LRP1B: variants seen among roughly 807,000 people sequenced by gnomAD.
LRP1B encodes low-density lipoprotein receptor-related protein 1B.
Under a neutral mutation model 556.6 loss-of-function variants are expected in LRP1B, and 217 were observed. The observed-to-expected ratio is 0.39, with a 90% CI of 0.35 to 0.44. The LOEUF (loss-of-function observed/expected upper bound fraction) is 0.44. Among genes scored for constraint, LRP1B ranks in the 20% least tolerant of loss-of-function variants. The pLI is 1.00. For missense variants in LRP1B, 5,053 were observed against 5,620.8 expected, an observed-to-expected ratio of 0.90 and a Z score of 3.23; for synonymous variants, 2,047 against 1,865.8, an observed-to-expected ratio of 1.10 and a Z score of -2.50.
At chr2:140,462,881 T>C (rs1361066143) in intron 60 of LRP1B, among the ~76,000 whole-genome samples, 2 of 152,316 alleles carry the variant, frequency 1.3e-5, no homozygotes, top group East Asian at 3.9e-4. Flanking sequence ...GAACAAAGTA[T>C]GCTCATTGAT....
intron 1 of LRP1B, among the ~76,000 whole-genome samples, chr2:142,005,439 G>A (rs1349395371): frequency 6.6e-6 from 1 of 152,064 alleles, no homozygotes; most frequent in African/African-American, 2.4e-5. Context: ...CCAGTTGATA[G>A]TTTCAACTTA....
At chr2:142,087,247 A>C (rs971121768) in intron 1 of LRP1B, among the ~76,000 whole-genome samples, 4 of 150,710 alleles carry the variant, frequency 2.7e-5, no homozygotes, top group Admixed American at 6.7e-5. Context: ...GAGAAAAAGA[A>C]ATGTCAGGCT....
intron 2 of LRP1B, among the ~76,000 whole-genome samples, chr2:141,723,183 T>C (rs1011032683): frequency 6.6e-6 from 1 of 151,916 alleles, no homozygotes; most frequent in Non-Finnish European, 1.5e-5. Flanking sequence ...GGAAAAAAGA[T>C]TTCATTATTG....
At chr2:141,005,535 C>T in intron 14 of LRP1B, 78 bp from the exon 15 acceptor site, 1 of 1,357,250 alleles carries the variant, frequency 7.4e-7, no homozygotes, top group Non-Finnish European at 1.0e-6. Flanking sequence ...GATGTAATTA[C>T]ATACACTTAT....
intron 7 of LRP1B, among the ~76,000 whole-genome samples, chr2:141,177,953 G>A (rs1025182681): frequency 1.3e-5 from 2 of 152,104 alleles, no homozygotes; most frequent in Non-Finnish European, 2.9e-5. Context: ...GAAAGAGAAA[G>A]CCAAGGGAGT....
intron 34 of LRP1B, 53 bp downstream of exon 34, chr2:140,770,828 T>G: frequency 6.8e-7 from 1 of 1,463,354 alleles, no homozygotes; most frequent in Middle Eastern, 1.8e-4. Context: ...GCATGGTATG[T>G]AATGATTAGT....
intron 35 of LRP1B, among the ~76,000 whole-genome samples, chr2:140,731,410 T>C (rs1687770854): frequency 6.6e-6 from 1 of 152,188 alleles, no homozygotes; most frequent in Non-Finnish European, 1.5e-5. Flanking sequence ...GTTATTAGCA[T>C]AGTATCATCT....
intron 7 of LRP1B, among the ~76,000 whole-genome samples, chr2:141,112,173 G>A (rs990730634): frequency 6.6e-6 from 1 of 152,054 alleles, no homozygotes. Context: ...AGACCTAGCT[G>A]AGCTAAGAAG....
chr2:141,439,458 A>T (rs561917150), intron 3 of LRP1B, among the ~76,000 whole-genome samples: 11 of 151,738 alleles, frequency 7.2e-5, no homozygotes, highest in South Asian at 2.1e-4. Context: ...ATAATTTTTT[A>T]AAAATCTTAT....
rs1234472596 is a variant in LRP1B, at chr2:142,077,781, A to G, written c.82+52867T>C. ...ATTTGTCTTCAATGATCTCTAGTCT[A>G]TTACATCTGCCCAGAAGGCCTCAGA... On this transcript the variant is annotated intron_variant, in intron 1 of 90. Coordinates refer to ENST00000389484, the MANE Select transcript of LRP1B (RefSeq NM_018557.3). Among the ~76,000 whole-genome samples the G allele has an allele frequency of 2.6e-5, 4 of 152,098 alleles. No homozygotes were observed. In the South Asian group the frequency reaches 6.2e-4, roughly 24 times the overall value.
intron 3 of LRP1B, among the ~76,000 whole-genome samples, chr2:141,275,861 G>A (rs1230463930): frequency 1.3e-5 from 2 of 152,070 alleles, no homozygotes; most frequent in Admixed American, 6.6e-5. Context: ...CCACTCATCT[G>A]TATGTTAAGC....
At chr2:141,364,411 A>AACACAC (rs139037221) in intron 3 of LRP1B, among the ~76,000 whole-genome samples, 2 of 149,454 alleles carry the variant, frequency 1.3e-5, no homozygotes, top group Non-Finnish European at 3.0e-5. Context: ...ATTAAATCAT[A>AACACAC]ACACACACAC....
chr2:141,375,336 T>C (rs1689387872), intron 3 of LRP1B, among the ~76,000 whole-genome samples: 1 of 152,186 alleles, frequency 6.6e-6, no homozygotes, highest in Non-Finnish European at 1.5e-5. Context: ...TAGTGGGTCC[T>C]AGAGGTCTAA....
intron 22 of LRP1B, among the ~76,000 whole-genome samples, chr2:140,904,710 C>T (rs764068749): frequency 3.3e-5 from 5 of 152,042 alleles, no homozygotes; most frequent in African/African-American, 4.8e-5. Flanking sequence ...TTGGTTCCTC[C>T]AAATATGTTT....
At chr2:141,158,255 TTAAA>T (rs958767487) in intron 7 of LRP1B, among the ~76,000 whole-genome samples, 8 of 152,194 alleles carry the variant, frequency 5.3e-5, no homozygotes, top group Non-Finnish European at 7.3e-5. Context: ...CTTTTATCTC[TTAAA>T]TAATTATGGA....
chr2:141,042,612 T>TCA (rs1698734467), intron 11 of LRP1B, among the ~76,000 whole-genome samples: 1 of 152,076 alleles, frequency 6.6e-6, no homozygotes, highest in African/African-American at 2.4e-5. Context: ...AGAAAAGACT[T>TCA]CACCTGTCTG....
chr2:141,945,714 C>T (rs1040948397), intron 1 of LRP1B, among the ~76,000 whole-genome samples: 1 of 151,928 alleles, frequency 6.6e-6, no homozygotes, highest in African/African-American at 2.4e-5. Context: ...AGATTTTTCC[C>T]ATTCCCTGCC....
chr2:140,657,392 C>T (rs1226570542), intron 41 of LRP1B, among the ~76,000 whole-genome samples: 2 of 151,488 alleles, frequency 1.3e-5, no homozygotes, highest in Admixed American at 6.6e-5. Flanking sequence ...TATCCTAAGA[C>T]CAGAGTAAAT....
intron 1 of LRP1B, among the ~76,000 whole-genome samples, chr2:142,015,929 T>C (rs1703111718): frequency 7.5e-6 from 1 of 133,192 alleles, no homozygotes; most frequent in African/African-American, 2.8e-5. Flanking sequence ...GAGTCGGAGC[T>C]TGCAGTGAGC....
Sources: allele counts gnomAD v4.1 joint callset (sites outside exome capture counted in the v4.1 genomes callset), GRCh38; gene constraint gnomAD v4.1.1; transcripts MANE v1.5; gene names NCBI Gene and HGNC (gene_info 2026-07-23, HGNC 2026-07-21).